The following RNF125 variants were observed in gnomAD, a reference collection of about 807,000 sequenced individuals.
The protein encoded by RNF125 is ring finger protein 125.
Under a neutral mutation model 26.0 loss-of-function variants are expected in RNF125, and 21 were observed. That is an observed-to-expected ratio of 0.81 (90% CI 0.57 to 1.16). The LOEUF (loss-of-function observed/expected upper bound fraction) is 1.16, where lower values mean the gene tolerates loss of function less well. Among genes scored for constraint, RNF125 ranks in the 50% most tolerant of loss-of-function variants. The probability of loss-of-function intolerance (pLI) is 0.00; values close to 1 mark genes in which losing one functional copy is unlikely to be tolerated. For synonymous variants in RNF125, 95 were observed against 109.2 expected, an observed-to-expected ratio of 0.87 and a Z score of 0.81; for missense variants, 270 against 299.4, an observed-to-expected ratio of 0.90 and a Z score of 0.72.
chr18:32,018,825 A>G lies in RNF125; in HGVS notation c.-39A>G, dbSNP rs2144417958. The G allele has an allele frequency of 2.0e-6, 3 of 1,512,156 alleles. No individual in the cohort carries two copies. Among genetic ancestry groups the G allele is most frequent in the Non-Finnish European group, 2.7e-6 (3 of 1,130,776 alleles). The allele number at this position is 1,512,156 out of a possible 1,614,324, so 93.7% of individuals were successfully genotyped here. On this transcript the variant is annotated 5_prime_UTR_variant, in exon 1 of 6. Coordinates refer to ENST00000217740, the MANE Select transcript of RNF125 (RefSeq NM_017831.4). ...GCAACAAAACAACCCTGCGGCAGGC[A>G]CTGAGTGCTTCGCAGCTGTCTGGGC... is the stretch of plus-strand genomic sequence containing the variant.
intron 4 of RNF125, among the ~76,000 whole-genome samples, chr18:32,064,151 C>T (rs745897002): frequency 1.8e-4 from 27 of 151,840 alleles, no homozygotes; most frequent in Admixed American, 3.9e-4. Flanking sequence ...TGCACCACCA[C>T]GCCTGGCTAA....
chr18:32,032,622 A>G (rs953516454), intron 1 of RNF125, among the ~76,000 whole-genome samples: 1 of 152,114 alleles, frequency 6.6e-6, no homozygotes, highest in Non-Finnish European at 1.5e-5. Context: ...ACGTGGGCAG[A>G]CAATCCTTAA....
At chr18:32,037,095 T>G in intron 1 of RNF125, 21 bp from the exon 2 acceptor site, 1 of 1,573,122 alleles carries the variant, frequency 6.4e-7, no homozygotes, top group Non-Finnish European at 8.6e-7. Flanking sequence ...AAGTGATGTA[T>G]TTTTGGTCTG....
intron 4 of RNF125, among the ~76,000 whole-genome samples, chr18:32,046,814 G>A (rs993993369): frequency 6.6e-6 from 1 of 152,068 alleles, no homozygotes; most frequent in Non-Finnish European, 1.5e-5. Context: ...TCTTTGTAGA[G>A]TGGCTTTTAT....
At chr18:32,075,284 G>T (rs1232529392), downstream of RNF125, among the ~76,000 whole-genome samples, 1 of 152,176 alleles carries the variant, frequency 6.6e-6, no homozygotes, top group Admixed American at 6.6e-5. Context: ...TTAGCCAGTT[G>T]TGGTGGCTCA....
downstream of RNF125, chr18:32,075,825 T>C (rs1238473991): frequency 9.1e-6 from 6 of 657,336 alleles, no homozygotes; most frequent in Non-Finnish European, 1.6e-5. Context: ...TTTTCTTTGT[T>C]GTTGTTGTTT....
intron 2 of RNF125, among the ~76,000 whole-genome samples, chr18:32,040,056 A>G (rs1405559478): frequency 6.6e-6 from 1 of 151,286 alleles, no homozygotes; most frequent in Non-Finnish European, 1.5e-5. Flanking sequence ...TAGGATTACA[A>G]GTATGAGCCA....
chr18:32,088,701 T>C, the RNF125 span, among the ~76,000 whole-genome samples: 5 of 152,090 alleles, frequency 3.3e-5, no homozygotes. Context: ...GGTTTCGCCA[T>C]GTTGTCCAGG....
chr18:32,033,980 AAAAG>A (rs1448225830), intron 1 of RNF125, among the ~76,000 whole-genome samples: 2 of 152,098 alleles, frequency 1.3e-5, no homozygotes, highest in Admixed American at 6.6e-5. Flanking sequence ...AAAAAAAAAA[AAAAG>A]AAAACCAAAT....
the RNF125 span, among the ~76,000 whole-genome samples, chr18:32,083,649 T>A: frequency 0.014 from 2,112 of 151,946 alleles, 43 homozygotes; most frequent in African/African-American, 0.048. Flanking sequence ...CGGTGGCTCA[T>A]GCCTGTAATC....
chr18:32,055,094 C>G (rs1248736990), intron 4 of RNF125, among the ~76,000 whole-genome samples: 2 of 151,584 alleles, frequency 1.3e-5, no homozygotes, highest in Non-Finnish European at 2.9e-5. Flanking sequence ...CCCATGAGTT[C>G]AAGGCCAGCC....
intron 4 of RNF125, among the ~76,000 whole-genome samples, chr18:32,064,396 C>CTTTTTTTTT (rs775086863): frequency 1.4e-3 from 125 of 86,844 alleles, no homozygotes; most frequent in African/African-American, 2.7e-3. Flanking sequence ...TTTTCTTTTT[C>CTTTTTTTTT]TTTTTTTTTT....
chr18:32,047,549 C>T (rs2039284115), intron 4 of RNF125, among the ~76,000 whole-genome samples: 1 of 152,228 alleles, frequency 6.6e-6, no homozygotes, highest in South Asian at 2.1e-4. Context: ...ATGAGTAAAC[C>T]ACTTTTACCT....
intron 5 of RNF125, among the ~76,000 whole-genome samples, chr18:32,067,613 A>G (rs1221983023): frequency 6.6e-6 from 1 of 152,196 alleles, no homozygotes; most frequent in Admixed American, 6.5e-5. Context: ...CTCAAAGGTT[A>G]ACTGAATTAT....
the RNF125 span, among the ~76,000 whole-genome samples, chr18:32,079,997 T>A: frequency 1.1e-4 from 16 of 151,910 alleles, no homozygotes; most frequent in Non-Finnish European, 1.9e-4. Context: ...ATGAAGAAAA[T>A]GTTTAGCTCT....
intron 1 of RNF125, among the ~76,000 whole-genome samples, chr18:32,032,432 C>T (rs929555935): frequency 6.6e-6 from 1 of 151,398 alleles, no homozygotes. Flanking sequence ...AGGCTGGTCT[C>T]GAACTCCTGA....
At chr18:32,061,843 A>G (rs1051452137) in intron 4 of RNF125, among the ~76,000 whole-genome samples, 7 of 152,226 alleles carry the variant, frequency 4.6e-5, no homozygotes, top group African/African-American at 1.7e-4. Flanking sequence ...AGCTAATATA[A>G]TGACTGAGCT....
chr18:32,088,273 A>C, the RNF125 span, among the ~76,000 whole-genome samples: 1 of 152,164 alleles, frequency 6.6e-6, no homozygotes, highest in African/African-American at 2.4e-5. Context: ...GCAATTTACA[A>C]AGATACCAAA....
chr18:32,041,876 C>T (rs1005089491), intron 2 of RNF125: 3 of 237,856 alleles, frequency 1.3e-5, no homozygotes, highest in South Asian at 4.2e-5. Flanking sequence ...GTGATCCGCC[C>T]GCCTCGGCCT....
Sources: gnomAD v4.1 joint callset for allele counts (sites outside exome capture counted in the v4.1 genomes callset) on GRCh38, gnomAD v4.1.1 for gene constraint, MANE v1.5 for transcripts, NCBI Gene and HGNC (gene_info 2026-07-23, HGNC 2026-07-21) for gene names.